MICALL1: variants seen among roughly 807,000 people sequenced by gnomAD.
The protein encoded by MICALL1 is MICAL like 1.
Under a neutral mutation model 83.7 loss-of-function variants are expected in MICALL1, and 61 were observed. That is an observed-to-expected ratio of 0.73 (90% CI 0.59 to 0.90). The LOEUF (loss-of-function observed/expected upper bound fraction) is 0.90. MICALL1 is among the 40% of genes least tolerant of loss of function. The pLI, the probability that MICALL1 is intolerant of heterozygous loss-of-function variation, is 0.00. For synonymous variants in MICALL1, 481 were observed against 473.6 expected (o/e 1.02, Z -0.20); for missense variants, 1,066 against 1,152.0 (o/e 0.93, Z 1.08).
chr22:37,926,333 C>T (rs1032158426), intron 8 of MICALL1, among the ~76,000 whole-genome samples: 1 of 152,152 alleles, frequency 6.6e-6, no homozygotes, highest in Non-Finnish European at 1.5e-5. Context: ...CATCTCTTCA[C>T]CCTCCCTGTC....
chr22:37,907,449 C>T (rs1236883894), intron 1 of MICALL1: 1 of 152,366 alleles, frequency 6.6e-6, no homozygotes, highest in Admixed American at 6.5e-5. Context: ...AACCTCTCCT[C>T]CTTTCGTCCC....
Position 37,917,745 on chromosome 22 carries a change from T to G in MICALL1, c.376T>G (p.Ser126Ala), listed in dbSNP as rs764096287. ...SPPRKGLAPC[S>A]PPSVAPTPVE... is the part of the protein sequence containing the mutation. ...ACCCAGAAAGGGCCTTGCACCCTGTTCCCCGCCGTCTGTAGCACCCACTCC... is the reference window on the plus strand; with the variant it reads ...ACCCAGAAAGGGCCTTGCACCCTGTGCCCCGCCGTCTGTAGCACCCACTCC... Residue 126 changes from serine (S) to alanine (A), a missense_variant, in exon 4 of 16, where the codon TCC becomes GCC. By Grantham distance (99) the Ser-to-Ala change is moderately conservative. Coordinates refer to ENST00000215957, the MANE Select transcript of MICALL1 (RefSeq NM_033386.4). The G allele has an allele frequency of 6.2e-7, 1 of 1,613,922 alleles. No individual in the cohort carries two copies. The highest frequency in any genetic ancestry group is 8.5e-7 in the Non-Finnish European group (1 of 1,179,918).
At chr22:37,910,374 C>G (rs1452829125) in intron 1 of MICALL1, among the ~76,000 whole-genome samples, 3 of 152,082 alleles carry the variant, frequency 2.0e-5, no homozygotes, top group Non-Finnish European at 4.4e-5. Context: ...ACGGCTGAGA[C>G]AAGTTGCTTT....
chr22:37,938,856 G>A (rs916779784), intron 15 of MICALL1, among the ~76,000 whole-genome samples: 1 of 151,940 alleles, frequency 6.6e-6, no homozygotes, highest in East Asian at 1.9e-4. Flanking sequence ...CAAGTGATCC[G>A]CTCGCCTCGG....
rs60697387 is a variant in MICALL1 at position 37,913,876 on chromosome 22, C to CTTT, written c.337+1398_337+1400dup. ...CGGTCTAGACAGTTCTGGCCCAACTCTTTTTTTTTTTTTTTTGATACAGAG... is the reference window on the plus strand; with the variant it reads ...CGGTCTAGACAGTTCTGGCCCAACTCTTTTTTTTTTTTTTTTTTTGATACAGAG... On this transcript the variant is annotated intron_variant, in intron 3 of 15. Coordinates refer to ENST00000215957, the MANE Select transcript of MICALL1 (RefSeq NM_033386.4). Among the ~76,000 whole-genome samples, 104 of 138,686 alleles carry CTTT rather than the reference C, an allele frequency of 7.5e-4. 1 individual carries two copies. The highest frequency in any genetic ancestry group is 8.4e-4 in the Non-Finnish European group (54 of 64,600). 91.0% of individuals were successfully genotyped at this position (138,686 alleles called of 152,430 possible).
chr22:37,922,796 G>GT (rs574266914), intron 6 of MICALL1, among the ~76,000 whole-genome samples: 1,489 of 69,172 alleles, frequency 0.022, 32 homozygotes, highest in South Asian at 0.04. Context: ...GTTTTTTTTT[G>GT]TTTTTTTTTT....
intron 5 of MICALL1, among the ~76,000 whole-genome samples, chr22:37,921,395 C>T (rs1929021140): frequency 6.6e-6 from 1 of 152,030 alleles, no homozygotes; most frequent in Non-Finnish European, 1.5e-5. Flanking sequence ...TGGTGAAACT[C>T]CGTCTCTACT....
chr22:37,920,541 C>A (rs1324377009), intron 5 of MICALL1, among the ~76,000 whole-genome samples: 2 of 151,806 alleles, frequency 1.3e-5, no homozygotes, highest in Non-Finnish European at 2.9e-5. Context: ...CTTTCGGAGG[C>A]TGAGGCTGGA....
At chr22:37,908,767 C>A (rs1050258504) in intron 1 of MICALL1, among the ~76,000 whole-genome samples, 24 of 152,158 alleles carry the variant, frequency 1.6e-4, no homozygotes, top group African/African-American at 7.2e-5. Context: ...GATGGCAATT[C>A]CATGTACCCT....
chr22:37,912,771 C>G (rs1928418148), intron 3 of MICALL1, among the ~76,000 whole-genome samples: 1 of 150,628 alleles, frequency 6.6e-6, no homozygotes, highest in Non-Finnish European at 1.5e-5. Context: ...GGTTTAACCT[C>G]CTGCCTCAGA....
chr22:37,932,964 C>T lies in MICALL1; in HGVS notation c.2235-75C>T. The stretch of plus-strand genomic sequence containing the variant: ...ATGGAGAACCCTTACCCTCTTCCCT[C>T]ATCAGTAACAGCGCAGGGCAGGGCA... On this transcript the variant is annotated intron_variant, in intron 12 of 15. Coordinates refer to ENST00000215957, the MANE Select transcript of MICALL1 (RefSeq NM_033386.4). The surrounding 1 kb of genome is among the most constrained non-coding windows in gnomAD (Gnocchi z 4.4). 1.9e-6 allele frequency: 3 copies of T among 1,610,994 alleles called. No homozygotes were observed. Among genetic ancestry groups the T allele is most frequent in the Non-Finnish European group, 2.5e-6 (3 of 1,177,258 alleles).
intron 15 of MICALL1, among the ~76,000 whole-genome samples, chr22:37,940,279 G>A (rs898069688): frequency 1.3e-5 from 2 of 151,066 alleles, no homozygotes; most frequent in Non-Finnish European, 3.0e-5. Flanking sequence ...AAAATTAGCC[G>A]GGGCGTGGTG....
At position 37,940,859 on chromosome 22, in the gene MICALL1, C is replaced by T; in HGVS notation, c.*29C>T. ...CACGAGAAGCCAGTTGGGGACTGCCCCCTCCTGGAGCAGCTCCTGGGCTGT... is the reference window on the plus strand; with the variant it reads ...CACGAGAAGCCAGTTGGGGACTGCCTCCTCCTGGAGCAGCTCCTGGGCTGT... On this transcript the variant is annotated 3_prime_UTR_variant, in exon 16 of 16. Coordinates refer to ENST00000215957, the MANE Select transcript of MICALL1 (RefSeq NM_033386.4). 1.2e-6 allele frequency: 2 copies of T among 1,612,142 alleles called. No individual in the cohort carries two copies. The highest frequency in any genetic ancestry group is 1.7e-6 in the Non-Finnish European group (2 of 1,178,772).
At position 37,926,109 on chromosome 22, in the gene MICALL1, G is replaced by T. The variant is rs947827449; in HGVS notation, c.1465+66G>T. The T allele has an allele frequency of 4.3e-5, 64 of 1,490,046 alleles. No individual in the cohort carries two copies. The East Asian group carries it at 1.5e-3, about 34-fold the overall frequency. 92.3% of individuals were successfully genotyped at this position (1,490,046 alleles called of 1,614,324 possible). A position where few individuals can be genotyped will look rare whatever the true frequency, so the allele number is the denominator to read the frequency against. On this transcript the variant is annotated intron_variant, in intron 8 of 15. Coordinates refer to ENST00000215957, the MANE Select transcript of MICALL1 (RefSeq NM_033386.4). ...GGGGGTGGGGCCCGGGCCTGGGGAG[G>T]GGGTGTGGTGGGGCAGAGCCTACCA...
Position 37,924,694 on chromosome 22 carries a change from G to A in MICALL1, c.1059G>A (p.Arg353=). 2 of 1,612,438 alleles carry A rather than the reference G, an allele frequency of 1.2e-6. No homozygotes were observed. Among genetic ancestry groups the A allele is most frequent in the Non-Finnish European group, 1.7e-6 (2 of 1,179,138 alleles). The change falls in exon 7 of 16, where the codon AGG becomes AGA. Residue 353 remains arginine (R), a synonymous_variant. Transcript: ENST00000215957. This position sits in a 1 kb window ranked among gnomAD's most constrained non-coding sequence, Gnocchi z 5.2. ...ACGAACTGCCTGTCCCCAAGCCGAGGGGGACACCGAAGCCGTCCGAGGGGT... is the reference window on the plus strand; with the variant it reads ...ACGAACTGCCTGTCCCCAAGCCGAGAGGGACACCGAAGCCGTCCGAGGGGT... ...RLHELPVPKP[R]GTPKPSEGTP... is the part of the protein sequence containing the mutation.
intron 2 of MICALL1, 120 bp from the exon 3 acceptor site, chr22:37,912,231 G>A (rs921116803): frequency 1.5e-6 from 2 of 1,291,866 alleles, no homozygotes; most frequent in African/African-American, 3.0e-5. Flanking sequence ...ATACTGAGGG[G>A]AGCCCACAGT....
intron 8 of MICALL1, 30 bp downstream of exon 8, chr22:37,926,073 AGTCGGAACTCGGGG>A (rs748518190): frequency 2.6e-6 from 4 of 1,549,668 alleles, no homozygotes; most frequent in Non-Finnish European, 3.5e-6. Context: ...CTCTCCTGAC[AGTCGGAACTCGGGG>A]GTGGGGCCCG....
chr22:37,911,480 CTCA>C (rs1457552390), intron 1 of MICALL1, among the ~76,000 whole-genome samples: 1 of 152,156 alleles, frequency 6.6e-6, no homozygotes, highest in African/African-American at 2.4e-5. Context: ...CCTCAGTGTC[CTCA>C]TCTATAAAAT....
Position 37,932,477 on chromosome 22 carries a change from A to C in MICALL1, c.2017-76A>C. On this transcript the variant is annotated intron_variant, in intron 10 of 15. Transcript: ENST00000215957. This position sits in a 1 kb window ranked among gnomAD's most constrained non-coding sequence, Gnocchi z 4.4. ...CGGGCCCTGGAGCCACCAGTGGCCA[A>C]TGCTGGCCAGAGAAGAGGGCAAGGC... 1 of 1,583,614 alleles carries C rather than the reference A, an allele frequency of 6.3e-7. No homozygotes were observed. The highest frequency in any genetic ancestry group is 2.2e-5 in the East Asian group (1 of 44,482).
Sources: gnomAD v4.1 joint callset for allele counts (sites outside exome capture counted in the v4.1 genomes callset) on GRCh38, gnomAD v4.1.1 for gene constraint, Gnocchi (gnomAD v3.1) non-coding constraint, MANE v1.5 for transcripts, NCBI Gene and HGNC (gene_info 2026-07-23, HGNC 2026-07-21) for gene names.